Variants in SEC24B observed in about 807,000 individuals in gnomAD.
SEC24B encodes the protein SEC24 homolog B, COPII component.
A neutral mutation model predicts 142.8 loss-of-function variants in SEC24B; 45 were observed. The ratio of observed to expected loss-of-function variants is 0.32; its 90% CI spans 0.25 to 0.40. The LOEUF is 0.40. Among genes scored for constraint, SEC24B ranks in the 10% least tolerant of loss-of-function variants. The pLI, the probability that SEC24B is intolerant of heterozygous loss-of-function variation, is 1.00. For missense variants in SEC24B, 1,409 were observed against 1,526.8 expected (o/e 0.92, Z 1.29); for synonymous variants, 574 against 568.2 (o/e 1.01, Z -0.15).
rs778959989 is a variant in SEC24B at position 109,524,801 on chromosome 4, A to G, written c.2509-17A>G. ...CATAAAGATTGCTAGCTCTTACTAT[A>G]TGATCTGTTGACTTAGGTGGTACAA... On this transcript the variant is annotated splice_polypyrimidine_tract_variant and intron_variant, in intron 14 of 23. Coordinates refer to ENST00000265175, the MANE Select transcript of SEC24B (RefSeq NM_006323.5). 2.9e-5 allele frequency: 47 copies of G among 1,601,900 alleles called. No individual in the cohort carries two copies. The highest frequency in any genetic ancestry group is 4.0e-5 in the Non-Finnish European group (47 of 1,174,934).
intron 1 of SEC24B, among the ~76,000 whole-genome samples, chr4:109,434,901 C>G (rs1348502251): frequency 6.6e-6 from 1 of 152,186 alleles, no homozygotes; most frequent in African/African-American, 2.4e-5. Flanking sequence ...ATATGCATTC[C>G]CTAATGCTGA....
intron 1 of SEC24B, 63 bp from the exon 2 acceptor site, chr4:109,462,838 T>C: frequency 1.6e-6 from 2 of 1,249,678 alleles, no homozygotes; most frequent in Non-Finnish European, 2.2e-6. Context: ...AATATTTAAA[T>C]GGGGGCTATT....
At chr4:109,524,677 G>C (rs1724024706) in intron 14 of SEC24B, 141 bp from the exon 15 acceptor site, 1 of 579,818 alleles carries the variant, frequency 1.7e-6, no homozygotes, top group Non-Finnish European at 2.9e-6. Context: ...TATTATCATA[G>C]GGAATCTGCA....
chr4:109,524,932 G>A lies in SEC24B; in HGVS notation c.2623G>A (p.Ala875Thr). ...TTTAAGTTCACAGTATTCTGATCTT[G>A]CTTCTCTAGGTAAGGAAAGTCATCA... Reference protein sequence around the residue: ...FLLSSQYSDLASLACMSKYSA... With the variant: ...FLLSSQYSDLTSLACMSKYSA... Residue 875 changes from alanine (A) to threonine (T), a missense_variant, in exon 15 of 24, where the codon GCT (alanine) becomes ACT (threonine). By Grantham distance (58) the Ala-to-Thr change is moderately conservative. Around this residue, in one of 2 missense-constraint regions of SEC24B, gnomAD observed 700 missense variants for 853.3 expected, o/e 0.82. Transcript: ENST00000265175. 1 of 1,608,704 alleles carries A rather than the reference G, an allele frequency of 6.2e-7. No individual in the cohort carries two copies. Among genetic ancestry groups the A allele is most frequent in the Non-Finnish European group, 8.5e-7 (1 of 1,177,742 alleles).
Position 109,464,925 on chromosome 4 carries a change from C to T in SEC24B, c.877+1281C>T, listed in dbSNP as rs890240233. ...CAAGTCTAGGTGGATGCAGTGGATC[C>T]CGCTGTTCTTGGTATCCTTTTTTCT... On this transcript the variant is annotated intron_variant, in intron 2 of 23. Transcript: ENST00000265175. 4.6e-5 allele frequency among the ~76,000 whole-genome samples: 7 copies of T among 152,252 alleles called. No individual in the cohort carries two copies. In the South Asian group the frequency reaches 1.5e-3, roughly 32 times the overall value.
chr4:109,529,364 G>C (rs1724639029), intron 18 of SEC24B, among the ~76,000 whole-genome samples: 1 of 151,942 alleles, frequency 6.6e-6, no homozygotes, highest in Admixed American at 6.6e-5. Context: ...TTTATATATA[G>C]ATTTTGAATT....
chr4:109,524,383 C>T (rs1431064163), intron 14 of SEC24B, among the ~76,000 whole-genome samples: 1 of 152,028 alleles, frequency 6.6e-6, no homozygotes, highest in Non-Finnish European at 1.5e-5. Context: ...CTTCTCATAC[C>T]AAAAGAAACA....
At chr4:109,492,841 A>G (rs1735155930) in intron 5 of SEC24B, among the ~76,000 whole-genome samples, 1 of 150,614 alleles carries the variant, frequency 6.6e-6, no homozygotes, top group African/African-American at 2.4e-5. Flanking sequence ...CAGCCTCCCA[A>G]GTAGCTGGGA....
At chr4:109,471,694 C>G (rs926597161) in intron 2 of SEC24B, among the ~76,000 whole-genome samples, 1 of 152,124 alleles carries the variant, frequency 6.6e-6, no homozygotes, top group East Asian at 1.9e-4. Context: ...GATGGCTTCA[C>G]TCACATGTCT....
At chr4:109,437,254 G>A (rs1234237801) in intron 1 of SEC24B, among the ~76,000 whole-genome samples, 1 of 152,160 alleles carries the variant, frequency 6.6e-6, no homozygotes, top group Admixed American at 6.5e-5. Flanking sequence ...GGTCTGTGCA[G>A]AATGAGAGTA....
At chr4:109,531,835 T>C (rs1701387913) in intron 20 of SEC24B, among the ~76,000 whole-genome samples, 2 of 152,282 alleles carry the variant, frequency 1.3e-5, no homozygotes, top group Admixed American at 1.3e-4. Context: ...TTTGTAGATA[T>C]TGACTGCTTC....
At chr4:109,441,611 T>C (rs1728935971) in intron 1 of SEC24B, among the ~76,000 whole-genome samples, 1 of 152,108 alleles carries the variant, frequency 6.6e-6, no homozygotes, top group Non-Finnish European at 1.5e-5. Flanking sequence ...TTTGTATTTT[T>C]TGTAGAGATG....
chr4:109,440,169 G>T (rs1357041600), intron 1 of SEC24B, among the ~76,000 whole-genome samples: 4 of 151,660 alleles, frequency 2.6e-5, no homozygotes, highest in African/African-American at 7.3e-5. Context: ...GTAAACAAGG[G>T]TCTTATATCT....
chr4:109,498,161 C>T (rs550390119), intron 6 of SEC24B, among the ~76,000 whole-genome samples: 289 of 152,234 alleles, frequency 1.9e-3, no homozygotes, highest in Non-Finnish European at 2.8e-3. Flanking sequence ...ATAGATGGAT[C>T]TTTCCAAGGA....
intron 1 of SEC24B, among the ~76,000 whole-genome samples, chr4:109,436,019 A>G (rs138779093): frequency 6.6e-6 from 1 of 152,208 alleles, no homozygotes; most frequent in African/African-American, 2.4e-5. Context: ...TGGGAAGCCA[A>G]GGCATCGAAG....
chr4:109,440,371 A>G (rs966382836), intron 1 of SEC24B, among the ~76,000 whole-genome samples: 4 of 152,108 alleles, frequency 2.6e-5, no homozygotes, highest in Admixed American at 6.6e-5. Flanking sequence ...GAAGTATTTT[A>G]TGCTAAAGGT....
At chr4:109,530,525 G>A (rs1361994852) in intron 19 of SEC24B, 61 bp downstream of exon 19, 3 of 1,320,174 alleles carry the variant, frequency 2.3e-6, no homozygotes, top group Non-Finnish European at 3.2e-6. Flanking sequence ...ATATGTACAT[G>A]AAGAAAGGAA....
At chr4:109,492,120 GAA>G (rs1004500077) in intron 5 of SEC24B, among the ~76,000 whole-genome samples, 2 of 150,010 alleles carry the variant, frequency 1.3e-5, no homozygotes, top group Non-Finnish European at 3.0e-5. Context: ...GATCCAGGAT[GAA>G]GTTTAATTGA....
chr4:109,496,627 A>G (rs913366324), intron 6 of SEC24B, among the ~76,000 whole-genome samples: 1 of 152,202 alleles, frequency 6.6e-6, no homozygotes, highest in Non-Finnish European at 1.5e-5. Context: ...TGGGTGACAT[A>G]CCAAGAGCCC....
Sources: gnomAD v4.1 joint callset for allele counts (sites outside exome capture counted in the v4.1 genomes callset) on GRCh38, gnomAD v4.1.1 for gene constraint, gnomAD v4.1.1 regional missense constraint, MANE v1.5 for transcripts, NCBI Gene and HGNC (gene_info 2026-07-23, HGNC 2026-07-21) for gene names.